The following PPP3R1 variants were observed in gnomAD, a reference collection of about 807,000 sequenced individuals.
PPP3R1 encodes protein phosphatase 3 regulatory subunit B, alpha, also known as calcineurin subunit B type 1.
A neutral mutation model predicts 22.6 loss-of-function variants in PPP3R1; 5 were observed. The observed-to-expected ratio is 0.22, with a 90% confidence interval of 0.12 to 0.46. The LOEUF is 0.46. PPP3R1 is among the 20% of genes least tolerant of loss of function. The pLI is 0.99. For synonymous variants in PPP3R1, 56 were observed against 65.2 expected (o/e 0.86, Z 0.68); for missense variants, 61 against 203.2 (o/e 0.30, Z 4.25).
intron 1 of PPP3R1, among the ~76,000 whole-genome samples, chr2:68,240,428 TA>T (rs1342750666): frequency 6.6e-6 from 1 of 152,184 alleles, no homozygotes; most frequent in Non-Finnish European, 1.5e-5. Context: ...TTTTTCCTTT[TA>T]ACAGATGAAA....
intron 5 of PPP3R1, among the ~76,000 whole-genome samples, chr2:68,183,931 A>C (rs541676445): frequency 6.6e-6 from 1 of 152,124 alleles, no homozygotes; most frequent in South Asian, 2.1e-4. Flanking sequence ...AAGATTTCCT[A>C]AAGAGGGCTC....
chr2:68,232,866 CA>C (rs1180141505), intron 1 of PPP3R1, among the ~76,000 whole-genome samples: 1 of 152,128 alleles, frequency 6.6e-6, no homozygotes, highest in African/African-American at 2.4e-5. Flanking sequence ...CTCAGCCTCC[CA>C]AAATGCTGGG....
chr2:68,215,671 A>C (rs1669565555), intron 2 of PPP3R1, among the ~76,000 whole-genome samples: 1 of 152,206 alleles, frequency 6.6e-6, no homozygotes, highest in Non-Finnish European at 1.5e-5. Flanking sequence ...AATAGTATTG[A>C]ATACCTTTGG....
In PPP3R1 at chr2:68,180,615, C is replaced by T. The variant is rs1021874635; in HGVS notation, c.*348G>A. On this transcript the variant is annotated 3_prime_UTR_variant, in exon 6 of 6. Transcript: ENST00000234310. ...GCCAACCTACTACATATATAGAAAG[C>T]TACATATATCTATATATAAATATTT... The T allele has an allele frequency of 6.4e-6, 1 of 155,904 alleles. No homozygotes were observed. The highest frequency in any genetic ancestry group is 1.4e-5 in the Non-Finnish European group (1 of 70,540). 9.7% of individuals were successfully genotyped at this position (155,904 alleles called of 1,614,324 possible).
At chr2:68,202,090 TTCAG>T (rs1256802626) in intron 2 of PPP3R1, among the ~76,000 whole-genome samples, 2 of 152,204 alleles carry the variant, frequency 1.3e-5, no homozygotes, top group African/African-American at 2.4e-5. Context: ...TGAAATTTCT[TTCAG>T]TCAGACGCTA....
At chr2:68,201,567 G>A (rs1674975718) in intron 2 of PPP3R1, among the ~76,000 whole-genome samples, 1 of 152,300 alleles carries the variant, frequency 6.6e-6, no homozygotes, top group East Asian at 1.9e-4. Context: ...TGGCATAGTT[G>A]TTATCCTGAG....
At chr2:68,187,746 T>G (rs1408739891) in intron 3 of PPP3R1, among the ~76,000 whole-genome samples, 2 of 152,222 alleles carry the variant, frequency 1.3e-5, no homozygotes, top group Non-Finnish European at 2.9e-5. Flanking sequence ...ATGATCATTT[T>G]TCTTCACTGC....
At chr2:68,210,625 C>CA (rs1371201414) in intron 2 of PPP3R1, among the ~76,000 whole-genome samples, 3 of 151,946 alleles carry the variant, frequency 2.0e-5, no homozygotes, top group African/African-American at 4.8e-5. Flanking sequence ...GTTCAACAGA[C>CA]AAAAAAATCT....
intron 1 of PPP3R1, chr2:68,251,245 G>A (rs1426133006): frequency 6.6e-6 from 1 of 152,178 alleles, no homozygotes. Flanking sequence ...CACACCCCTA[G>A]CGTCGGTCTG....
intron 4 of PPP3R1, among the ~76,000 whole-genome samples, chr2:68,186,973 T>TA (rs907471511): frequency 4.6e-5 from 7 of 152,168 alleles, no homozygotes; most frequent in East Asian, 1.9e-4. Flanking sequence ...CCACTTTCAC[T>TA]AAAAAAATCT....
chr2:68,195,291 G>C (rs1324543365), intron 2 of PPP3R1, among the ~76,000 whole-genome samples: 2 of 152,052 alleles, frequency 1.3e-5, no homozygotes, highest in Non-Finnish European at 2.9e-5. Flanking sequence ...CTCAGTTTGA[G>C]CTTCCTGTTT....
At chr2:68,187,092 T>C (rs560796179) in intron 4 of PPP3R1, among the ~76,000 whole-genome samples, 163 bp downstream of exon 4, 6 of 152,216 alleles carry the variant, frequency 3.9e-5, no homozygotes, top group East Asian at 1.9e-4. Flanking sequence ...AATATAGTAG[T>C]TGGAAATGTC....
chr2:68,213,230 G>A (rs553047497), intron 2 of PPP3R1, among the ~76,000 whole-genome samples: 15 of 152,252 alleles, frequency 9.9e-5, no homozygotes, highest in African/African-American at 3.4e-4. Context: ...CTAGCTTTTG[G>A]CCTATCTGGG....
At chr2:68,197,826 G>A (rs1348332474) in intron 2 of PPP3R1, among the ~76,000 whole-genome samples, 3 of 151,674 alleles carry the variant, frequency 2.0e-5, no homozygotes, top group Non-Finnish European at 4.4e-5. Flanking sequence ...TAATGAAATA[G>A]AATTTTTTCC....
At chr2:68,249,883 G>A (rs1245226479) in intron 1 of PPP3R1, among the ~76,000 whole-genome samples, 2 of 152,174 alleles carry the variant, frequency 1.3e-5, no homozygotes, top group Admixed American at 6.5e-5. Flanking sequence ...TTGACAGAAT[G>A]TAAATAATAA....
intron 1 of PPP3R1, among the ~76,000 whole-genome samples, chr2:68,217,800 T>A (rs975085437): frequency 3.3e-5 from 5 of 152,060 alleles, no homozygotes; most frequent in African/African-American, 1.2e-4. Context: ...AGTAGAACTA[T>A]CAATTTTCTA....
chr2:68,186,899 C>A (rs1342520269), intron 4 of PPP3R1, among the ~76,000 whole-genome samples: 1 of 152,192 alleles, frequency 6.6e-6, no homozygotes, highest in Non-Finnish European at 1.5e-5. Flanking sequence ...GCTTCAGTTT[C>A]TACACAGATA....
At chr2:68,215,823 G>C (rs1415379720) in intron 2 of PPP3R1, among the ~76,000 whole-genome samples, 1 of 152,036 alleles carries the variant, frequency 6.6e-6, no homozygotes, top group Non-Finnish European at 1.5e-5. Context: ...AAGTGGGTGG[G>C]GAAAGAGTAG....
At chr2:68,241,144 C>T (rs1291812279) in intron 1 of PPP3R1, among the ~76,000 whole-genome samples, 1 of 141,964 alleles carries the variant, frequency 7.0e-6, no homozygotes. Flanking sequence ...AGAAACCAAA[C>T]TCCACAGATG....
Sources: gnomAD v4.1 joint callset for allele counts (sites outside exome capture counted in the v4.1 genomes callset) on GRCh38, gnomAD v4.1.1 for gene constraint, MANE v1.5 for transcripts, NCBI Gene and HGNC (gene_info 2026-07-23, HGNC 2026-07-21) for gene names.